USH2A: variants seen among roughly 807,000 people sequenced by gnomAD.
USH2A encodes the protein usherin.
Under a neutral mutation model 538.9 loss-of-function variants are expected in USH2A, and 443 were observed. That is an observed-to-expected ratio of 0.82 (90% CI 0.76 to 0.89). USH2A has a LOEUF of 0.89. Ranked by LOEUF, USH2A falls within the 40% of genes least tolerant of loss-of-function variation. The pLI is 0.00. For missense variants in USH2A, 6,633 were observed against 6,324.8 expected (o/e 1.05, Z -1.65); for synonymous variants, 2,413 against 2,273.5 (o/e 1.06, Z -1.75).
At chr1:215,893,059 G>C (rs1477751442) in intron 40 of USH2A, among the ~76,000 whole-genome samples, 2 of 152,102 alleles carry the variant, frequency 1.3e-5, no homozygotes, top group Non-Finnish European at 2.9e-5. Flanking sequence ...AATTCATGAA[G>C]TCAGGAAAAC....
chr1:216,188,378 A>T (rs2034649422), intron 20 of USH2A, among the ~76,000 whole-genome samples: 1 of 151,806 alleles, frequency 6.6e-6, no homozygotes, highest in Non-Finnish European at 1.5e-5. Flanking sequence ...TATATCTATG[A>T]AAAGGCAGAC....
In USH2A at chr1:216,104,130, A is replaced by G. The variant is rs1286028152; in HGVS notation, c.4628-6917T>C. ...TGTGCACAACGTGCAGGTTTGTTAC[A>G]TATGCATATATGTGTCATGTTGGTG... On this transcript the variant is annotated intron_variant, in intron 21 of 71. Coordinates refer to ENST00000307340, the MANE Select transcript of USH2A (RefSeq NM_206933.4). 2.6e-5 allele frequency among the ~76,000 whole-genome samples: 4 copies of G among 151,760 alleles called. No individual in the cohort carries two copies. In the East Asian group the frequency reaches 5.8e-4, roughly 22 times the overall value.
chr1:215,640,468 G>A (rs765561052), intron 68 of USH2A, 90 bp downstream of exon 68: 14 of 1,528,756 alleles, frequency 9.2e-6, no homozygotes, highest in Non-Finnish European at 1.1e-5. Flanking sequence ...TTAATGGTGA[G>A]CATCTGCTGG....
intron 32 of USH2A, among the ~76,000 whole-genome samples, chr1:216,006,025 C>G (rs1668382875): frequency 6.6e-6 from 1 of 152,100 alleles, no homozygotes; most frequent in Non-Finnish European, 1.5e-5. Flanking sequence ...CACTGCTTCT[C>G]TCCTCTATGA....
At chr1:215,631,035 T>C (rs1656266648) in intron 70 of USH2A, among the ~76,000 whole-genome samples, 1 of 152,048 alleles carries the variant, frequency 6.6e-6, no homozygotes, top group Admixed American at 6.6e-5. Flanking sequence ...TCTTGAAAAA[T>C]GTTGATGAAA....
At chr1:216,046,966 G>T (rs2030545144) in intron 31 of USH2A, among the ~76,000 whole-genome samples, 1 of 152,062 alleles carries the variant, frequency 6.6e-6, no homozygotes, top group South Asian at 2.1e-4. Context: ...TGGTGAATGT[G>T]GTTCATAATA....
intron 4 of USH2A, among the ~76,000 whole-genome samples, chr1:216,340,244 G>T (rs918741904): frequency 2.6e-5 from 4 of 152,126 alleles, no homozygotes; most frequent in African/African-American, 9.6e-5. Context: ...AAATCTAGAA[G>T]AAATGGATAA....
At chr1:215,821,578 G>C (rs1663015655) in intron 47 of USH2A, among the ~76,000 whole-genome samples, 2 of 151,698 alleles carry the variant, frequency 1.3e-5, no homozygotes, top group African/African-American at 4.8e-5. Context: ...TCACTTTGTT[G>C]ATTGTTTCCT....
chr1:216,188,029 G>A (rs1292996860), intron 20 of USH2A, among the ~76,000 whole-genome samples: 1 of 151,822 alleles, frequency 6.6e-6, no homozygotes, highest in Non-Finnish European at 1.5e-5. Context: ...TAAGTTTCCA[G>A]TTCTATTTTT....
chr1:215,728,607 G>A (rs376604972), intron 60 of USH2A, among the ~76,000 whole-genome samples: 8 of 20,702 alleles, frequency 3.9e-4, no homozygotes, highest in Non-Finnish European at 7.4e-4. Flanking sequence ...ACACACACAC[G>A]TATTTGACTG....
At chr1:216,176,230 A>T (rs1039385565) in intron 20 of USH2A, among the ~76,000 whole-genome samples, 31 of 146,380 alleles carry the variant, frequency 2.1e-4, no homozygotes, top group African/African-American at 7.5e-4. Context: ...ACCTTTATTT[A>T]TTTTTTTTTT....
At chr1:216,116,626 A>G (rs1323603863) in intron 21 of USH2A, among the ~76,000 whole-genome samples, 1 of 152,156 alleles carries the variant, frequency 6.6e-6, no homozygotes, top group Non-Finnish European at 1.5e-5. Context: ...AAATGGAATG[A>G]AAGCAAAACT....
chr1:216,369,404 C>T (rs1002030356), intron 3 of USH2A, among the ~76,000 whole-genome samples: 1 of 152,140 alleles, frequency 6.6e-6, no homozygotes, highest in Non-Finnish European at 1.5e-5. Flanking sequence ...TTATTTCTAA[C>T]CTTCACCAAC....
chr1:215,753,873 G>T (rs186342530), intron 58 of USH2A, among the ~76,000 whole-genome samples: 85 of 152,210 alleles, frequency 5.6e-4, no homozygotes, highest in Middle Eastern at 6.8e-3. Flanking sequence ...CCAACACCCA[G>T]CTCTGTTTCT....
Position 215,883,036 on chromosome 1 carries a change from C to T in USH2A, c.8224-3938G>A, listed in dbSNP as rs150753629. The stretch of plus-strand genomic sequence containing the variant: ...CTTTATCATAAACAATGAAATTATC[C>T]GTGATCTGTGCCTCCACAAACTCTT... On this transcript the variant is annotated intron_variant, in intron 41 of 71. Coordinates refer to ENST00000307340, the MANE Select transcript of USH2A (RefSeq NM_206933.4). 2.9e-4 allele frequency among the ~76,000 whole-genome samples: 44 copies of T among 152,170 alleles called. No homozygotes were observed. The East Asian group carries it at 6.0e-3, about 21-fold the overall frequency.
chr1:215,798,964 TCA>T lies in USH2A; in HGVS notation c.9899_9900del (p.Val3300GlufsTer45). 6.2e-7 allele frequency: 1 copy of T among 1,614,106 alleles called. No homozygotes were observed. The highest frequency in any genetic ancestry group is 8.5e-7 in the Non-Finnish European group (1 of 1,180,002). On this transcript the variant is annotated frameshift_variant, in exon 50 of 72. Transcript: ENST00000307340. LOFTEE classifies it high-confidence loss of function. ...CCACCACAACACTCTAAATCGTTGCTCACAATCTGTCTGCCACAGCACTTCTG... is the reference window on the plus strand; with the variant it reads ...CCACCACAACACTCTAAATCGTTGCTCAATCTGTCTGCCACAGCACTTCTG... ...HGQKCCGRQI[V>X]SNDLECCGGE...
intron 47 of USH2A, among the ~76,000 whole-genome samples, chr1:215,830,381 A>G (rs555635626): frequency 3.3e-5 from 5 of 152,314 alleles, no homozygotes; most frequent in African/African-American, 9.6e-5. Flanking sequence ...AACGGGGGGA[A>G]AAATCTTTCT....
chr1:216,180,922 A>C (rs2102646474), intron 20 of USH2A, among the ~76,000 whole-genome samples: 1 of 152,240 alleles, frequency 6.6e-6, no homozygotes. Context: ...CCAGGTCATG[A>C]GCCCTGATTT....
chr1:216,241,554 G>A (rs1378360950), intron 13 of USH2A, among the ~76,000 whole-genome samples: 1 of 148,854 alleles, frequency 6.7e-6, no homozygotes, highest in Non-Finnish European at 1.5e-5. Flanking sequence ...TTTTTTTTGA[G>A]ACGGAGTTTG....
Sources: allele counts gnomAD v4.1 joint callset (sites outside exome capture counted in the v4.1 genomes callset), GRCh38; gene constraint gnomAD v4.1.1; transcripts MANE v1.5; gene names NCBI Gene and HGNC (gene_info 2026-07-23, HGNC 2026-07-21).